DLG2: variants seen among roughly 807,000 people sequenced by gnomAD.
DLG2 encodes discs large MAGUK scaffold protein 2, also known as disks large homolog 2.
DLG2 carries 45 observed loss-of-function variants against 132.5 expected under a neutral mutation model. The ratio of observed to expected loss-of-function variants is 0.34; its 90% CI spans 0.27 to 0.44. DLG2 has a LOEUF of 0.44. DLG2 is among the 20% of genes least tolerant of loss of function. DLG2 has a pLI of 1.00. For synonymous variants in DLG2, 424 were observed against 419.6 expected (o/e 1.01, Z -0.13); for missense variants, 1,045 against 1,196.9 (o/e 0.87, Z 1.87).
chr11:85,156,946 C>T (rs2077631019), intron 4 of DLG2, among the ~76,000 whole-genome samples: 1 of 152,064 alleles, frequency 6.6e-6, no homozygotes, highest in Non-Finnish European at 1.5e-5. Flanking sequence ...AAGTATTGTT[C>T]CTGAATATGT....
chr11:84,026,376 T>G lies in DLG2; in HGVS notation c.919+32939A>C, dbSNP rs2095535752. On this transcript the variant is annotated intron_variant, in intron 11 of 27. Coordinates refer to ENST00000376104, the MANE Select transcript of DLG2 (RefSeq NM_001142699.3). ...CTAGACTCCTTTAGGGGAAAGGTAG[T>G]TAGTATAATACAATACTGTGGCCTT... 2.0e-5 allele frequency among the ~76,000 whole-genome samples: 3 copies of G among 152,062 alleles called. No homozygotes were observed. In the South Asian group the frequency reaches 6.2e-4, roughly 32 times the overall value.
At chr11:84,628,231 A>G (rs921610160) in intron 6 of DLG2, among the ~76,000 whole-genome samples, 1 of 151,980 alleles carries the variant, frequency 6.6e-6, no homozygotes, top group African/African-American at 2.4e-5. Flanking sequence ...TAGGAGCCCA[A>G]TATTCCTTCT....
chr11:84,415,064 T>A (rs1478835511), intron 7 of DLG2, among the ~76,000 whole-genome samples: 2 of 152,172 alleles, frequency 1.3e-5, no homozygotes, highest in Non-Finnish European at 2.9e-5. Context: ...CAAATTTCAA[T>A]ATGCAAAGCA....
chr11:84,411,560 T>C (rs748370022), intron 7 of DLG2, among the ~76,000 whole-genome samples: 1 of 143,966 alleles, frequency 6.9e-6, no homozygotes, highest in African/African-American at 2.9e-5. Flanking sequence ...ACATCTGTGG[T>C]ACTTTTTTTT....
chr11:84,257,343 T>C (rs1200616683), intron 7 of DLG2, among the ~76,000 whole-genome samples: 1 of 152,178 alleles, frequency 6.6e-6, no homozygotes, highest in African/African-American at 2.4e-5. Flanking sequence ...GAGGATTTAC[T>C]TGGAACCTAC....
intron 6 of DLG2, among the ~76,000 whole-genome samples, chr11:84,743,426 T>A (rs1290325462): frequency 6.6e-6 from 1 of 152,202 alleles, no homozygotes; most frequent in Admixed American, 6.5e-5. Flanking sequence ...TTTACTTATA[T>A]TCTGATTTGG....
At chr11:83,673,154 A>T (rs1330440214) in intron 18 of DLG2, among the ~76,000 whole-genome samples, 1 of 152,216 alleles carries the variant, frequency 6.6e-6, no homozygotes, top group Non-Finnish European at 1.5e-5. Context: ...GTTTTGGACT[A>T]AAAACATATA....
At chr11:83,742,398 G>GA (rs1467325121) in intron 18 of DLG2, among the ~76,000 whole-genome samples, 2 of 151,594 alleles carry the variant, frequency 1.3e-5, no homozygotes, top group African/African-American at 2.4e-5. Flanking sequence ...GTACTCTAAG[G>GA]AAAAAAAATC....
At chr11:83,743,132 A>C (rs1255273539) in intron 18 of DLG2, among the ~76,000 whole-genome samples, 1 of 152,192 alleles carries the variant, frequency 6.6e-6, no homozygotes, top group East Asian at 1.9e-4. Context: ...TAGGCCCTAC[A>C]TTTAGCTCTA....
chr11:84,782,616 A>C (rs2072030188), intron 6 of DLG2, among the ~76,000 whole-genome samples: 1 of 152,178 alleles, frequency 6.6e-6, no homozygotes, highest in Non-Finnish European at 1.5e-5. Flanking sequence ...TTTTGACTCA[A>C]TCATTTGCCA....
chr11:84,615,178 T>A (rs1593838536), intron 6 of DLG2, among the ~76,000 whole-genome samples: 1 of 152,006 alleles, frequency 6.6e-6, no homozygotes, highest in Admixed American at 6.6e-5. Flanking sequence ...AATTCTGGGG[T>A]AGAGGAACCA....
At chr11:85,002,423 G>C (rs1385734783) in intron 6 of DLG2, among the ~76,000 whole-genome samples, 1 of 152,166 alleles carries the variant, frequency 6.6e-6, no homozygotes, top group Non-Finnish European at 1.5e-5. Flanking sequence ...CTTTAAAGAT[G>C]ATATGCTAGT....
chr11:84,753,387 C>T (rs1565875795), intron 6 of DLG2, among the ~76,000 whole-genome samples: 1 of 152,136 alleles, frequency 6.6e-6, no homozygotes, highest in Non-Finnish European at 1.5e-5. Context: ...TAGGCAGGCA[C>T]AGACATATGA....
At chr11:84,383,097 A>G (rs898473086) in intron 7 of DLG2, among the ~76,000 whole-genome samples, 2 of 151,390 alleles carry the variant, frequency 1.3e-5, no homozygotes, top group African/African-American at 4.9e-5. Flanking sequence ...CTTTTGGCAT[A>G]CTCCTTAATT....
At chr11:84,803,253 C>A (rs1205738455) in intron 6 of DLG2, among the ~76,000 whole-genome samples, 1 of 152,108 alleles carries the variant, frequency 6.6e-6, no homozygotes, top group Admixed American at 6.5e-5. Flanking sequence ...TAACAGTAAC[C>A]AATAATTGTG....
chr11:85,214,330 A>T (rs1160652354), intron 4 of DLG2, among the ~76,000 whole-genome samples: 1 of 152,046 alleles, frequency 6.6e-6, no homozygotes, highest in African/African-American at 2.4e-5. Context: ...CTATTTCAAA[A>T]CTCACATTCC....
At chr11:84,412,976 T>G (rs1163063076) in intron 7 of DLG2, among the ~76,000 whole-genome samples, 2 of 152,240 alleles carry the variant, frequency 1.3e-5, no homozygotes, top group Non-Finnish European at 2.9e-5. Flanking sequence ...TATTATTATC[T>G]GAATTATAAT....
intron 6 of DLG2, among the ~76,000 whole-genome samples, chr11:84,604,448 A>G (rs933590161): frequency 2.6e-5 from 4 of 151,928 alleles, no homozygotes; most frequent in African/African-American, 7.2e-5. Context: ...TTTATAAGTC[A>G]AATTAAGGTA....
At chr11:83,943,468 C>T (rs907944673) in intron 14 of DLG2, among the ~76,000 whole-genome samples, 5 of 152,174 alleles carry the variant, frequency 3.3e-5, no homozygotes, top group African/African-American at 1.2e-4. Flanking sequence ...TAGGTACTAA[C>T]TAACATGGCA....
Sources: allele counts gnomAD v4.1 joint callset (sites outside exome capture counted in the v4.1 genomes callset), GRCh38; gene constraint gnomAD v4.1.1; transcripts MANE v1.5; gene names NCBI Gene and HGNC (gene_info 2026-07-23, HGNC 2026-07-21).